The following GORASP2 variants were observed in gnomAD, a reference collection of about 807,000 sequenced individuals.
The protein encoded by GORASP2 is golgi reassembly stacking protein 2.
In GORASP2, 22 loss-of-function variants were observed where a neutral mutation model predicts 45.7. That is an observed-to-expected ratio of 0.48 (90% CI 0.34 to 0.69). The LOEUF is 0.69. Ranked by LOEUF, GORASP2 falls within the 30% of genes least tolerant of loss-of-function variation. The probability of loss-of-function intolerance (pLI) is 0.01; values close to 1 mark genes in which losing one functional copy is unlikely to be tolerated. For missense variants in GORASP2, 491 were observed against 562.7 expected (o/e 0.87, Z 1.29); for synonymous variants, 221 against 215.6 (o/e 1.02, Z -0.22).
At position 170,929,394 on chromosome 2, in the gene GORASP2, C is replaced by A. The variant is rs1388215603; in HGVS notation, c.54C>A (p.His18Gln). 1 of 1,418,846 alleles carries A rather than the reference C, an allele frequency of 7.0e-7. No homozygotes were observed. The highest frequency in any genetic ancestry group is 1.6e-5 in the South Asian group (1 of 63,424). The allele number at this position is 1,418,846 out of a possible 1,614,324, so 87.9% of individuals were successfully genotyped here. Residue 18 changes from histidine (H) to glutamine (Q), a missense_variant, in exon 1 of 10, where the codon CAC becomes CAA. Physicochemically the swap from His to Gln is conservative, Grantham distance 24. Transcript: ENST00000234160. ...EIPGGGTEGY[H>Q]VLRVQENSPG... ...CGGGCGGGGGCACCGAGGGCTACCA[C>A]GTTCTGCGGGTAAGGGCTCCGACGG...
Position 170,929,349 on chromosome 2 carries a change from C to T in GORASP2, c.9C>T (p.Ser3=). 2 of 1,389,792 alleles carry T rather than the reference C, an allele frequency of 1.4e-6. No individual in the cohort carries two copies. The highest frequency in any genetic ancestry group is 9.3e-7 in the Non-Finnish European group (1 of 1,071,446). 86.1% of individuals were successfully genotyped at this position (1,389,792 alleles called of 1,614,324 possible). A position where few individuals can be genotyped will look rare whatever the true frequency, so the allele number is the denominator to read the frequency against. Residue 3 remains serine, a synonymous_variant, in exon 1 of 10, where the codon TCC becomes TCT. Transcript: ENST00000234160. ...ACCGATCGCCCGCCGCCATGGGCTC[C>T]TCGCAAAGCGTCGAGATCCCGGGCG... The part of the protein sequence containing the change: MG[S]SQSVEIPGGG...
chr2:170,963,425 C>CGCT (rs1443357509), intron 9 of GORASP2, among the ~76,000 whole-genome samples: 4 of 146,590 alleles, frequency 2.7e-5, no homozygotes, highest in African/African-American at 1.1e-4. Flanking sequence ...TCTCAGTCCC[C>CGCT]GCTGCTACTG....
chr2:170,936,683 A>G, intron 1 of GORASP2: 1 of 1,282,406 alleles, frequency 7.8e-7, no homozygotes, highest in Non-Finnish European at 1.0e-6. Flanking sequence ...GCCGGGCATA[A>G]TGGTGTGCAC....
At chr2:170,951,294 A>G (rs1704293002) in intron 4 of GORASP2, 34 bp from the exon 5 acceptor site, 1 of 1,558,962 alleles carries the variant, frequency 6.4e-7, no homozygotes, top group Admixed American at 2.0e-5. Context: ...AAGTATGGTA[A>G]CGTGAAACAT....
At position 170,966,093 on chromosome 2, in the gene GORASP2, C is replaced by T. The variant is rs371303130; in HGVS notation, c.1322C>T (p.Ser441Phe). ...ACCCCAGTCAGCGAGAAGCCTGTTT[C>T]TGCGGCTGTGGATGCCAATGCTTCT... ...DSTPVSEKPV[S>F]AAVDANASES... Residue 441 changes from serine to phenylalanine, a missense_variant, in exon 10 of 10, where the codon TCT (serine) becomes TTT (phenylalanine). Ser to Phe is a radical substitution (Grantham distance 155, BLOSUM62 -2). Around this residue, in one of 2 missense-constraint regions of GORASP2, gnomAD observed 297 missense variants for 292.3 expected, o/e 1.02. Transcript: ENST00000234160. The T allele has an allele frequency of 1.9e-6, 3 of 1,613,936 alleles. No individual in the cohort carries two copies. The highest frequency in any genetic ancestry group is 2.5e-6 in the Non-Finnish European group (3 of 1,179,914).
At position 170,965,872 on chromosome 2, in the gene GORASP2, A is replaced by T. The variant is rs1330777091; in HGVS notation, c.1101A>T (p.Ser367=). 2 of 1,613,674 alleles carry T rather than the reference A, an allele frequency of 1.2e-6. No homozygotes were observed. Among genetic ancestry groups the T allele is most frequent in the African/African-American group, 1.3e-5 (1 of 74,790 alleles). ...CCCTGCCATCCGAGTTCCTCCCGTCATTCCCCTTGGTTCCAGAGAGCTCTT... is the reference window on the plus strand; with the variant it reads ...CCCTGCCATCCGAGTTCCTCCCGTCTTTCCCCTTGGTTCCAGAGAGCTCTT... ...PLPLPSEFLP[S]FPLVPESSSA... is the part of the protein sequence containing the mutation. Residue 367 remains serine, a synonymous_variant, in exon 10 of 10, where the codon TCA becomes TCT. Transcript: ENST00000234160.
intron 1 of GORASP2, among the ~76,000 whole-genome samples, chr2:170,947,843 C>T (rs1400374648): frequency 2.6e-5 from 4 of 152,030 alleles, no homozygotes; most frequent in East Asian, 1.9e-4. Flanking sequence ...GAACTAGGCC[C>T]GGTGCAGTGG....
intron 1 of GORASP2, among the ~76,000 whole-genome samples, chr2:170,938,217 G>A (rs960134774): frequency 6.6e-6 from 1 of 152,238 alleles, no homozygotes; most frequent in Non-Finnish European, 1.5e-5. Flanking sequence ...AATGTTAGCT[G>A]ATGCCTTTAT....
intron 1 of GORASP2, chr2:170,936,642 C>T (rs1703963716): frequency 1.5e-6 from 2 of 1,300,272 alleles, no homozygotes; most frequent in Non-Finnish European, 2.0e-6. Context: ...AGAGAAGGCT[C>T]AAGCACATTG....
chr2:170,962,846 G>T lies in GORASP2; in HGVS notation c.918G>T (p.Met306Ile). 1.2e-6 allele frequency: 2 copies of T among 1,610,304 alleles called. No homozygotes were observed. Among genetic ancestry groups the T allele is most frequent in the Non-Finnish European group, 1.7e-6 (2 of 1,176,632 alleles). Reference protein sequence around the residue: ...MNPATTLPGLMPLPAGLPNLP... With the variant: ...MNPATTLPGLIPLPAGLPNLP... ...TTTCTGCCTTCTCTTCAGGTCTGAT[G>T]CCTTTACCAGCAGGACTGCCCAACC... The change falls in exon 9 of 10, where the codon ATG becomes ATT. Residue 306 changes from methionine to isoleucine, a missense_variant. This residue lies in a region of GORASP2 where 297 missense variants were observed against 292.3 expected (regional missense o/e 1.02). Coordinates refer to ENST00000234160, the MANE Select transcript of GORASP2 (RefSeq NM_015530.5).
intron 1 of GORASP2, among the ~76,000 whole-genome samples, chr2:170,947,126 A>G (rs1228344026): frequency 6.6e-6 from 1 of 152,110 alleles, no homozygotes; most frequent in African/African-American, 2.4e-5. Flanking sequence ...AAAGCCACCA[A>G]TATTTACACC....
chr2:170,948,250 T>C, intron 1 of GORASP2, 100 bp from the exon 2 acceptor site: 1 of 726,488 alleles, frequency 1.4e-6, no homozygotes, highest in Middle Eastern at 2.4e-4. Context: ...TGTATTTCAT[T>C]ATCAGTGAAA....
chr2:170,941,392 G>A (rs769555463), intron 1 of GORASP2, among the ~76,000 whole-genome samples: 11 of 152,162 alleles, frequency 7.2e-5, no homozygotes, highest in Non-Finnish European at 1.5e-4. Flanking sequence ...TGTAACCTCA[G>A]TATACTTGTT....
chr2:170,965,486 GGCT>G (rs1704662658), intron 9 of GORASP2, among the ~76,000 whole-genome samples: 1 of 152,114 alleles, frequency 6.6e-6, no homozygotes, highest in African/African-American at 2.4e-5. Flanking sequence ...CTGCTGGGTG[GGCT>G]GCTATCTCTT....
intron 1 of GORASP2, among the ~76,000 whole-genome samples, chr2:170,944,648 G>A (rs1429366564): frequency 1.3e-5 from 2 of 151,854 alleles, no homozygotes; most frequent in Non-Finnish European, 2.9e-5. Context: ...ACTTTATAAG[G>A]GTGGCCTAGT....
chr2:170,939,567 G>T (rs1343377869), intron 1 of GORASP2, among the ~76,000 whole-genome samples: 1 of 152,142 alleles, frequency 6.6e-6, no homozygotes, highest in African/African-American at 2.4e-5. Context: ...GTGGTAGATT[G>T]TTCTGTTTTA....
chr2:170,957,450 G>T (rs564882760), intron 7 of GORASP2, among the ~76,000 whole-genome samples: 1 of 152,056 alleles, frequency 6.6e-6, no homozygotes, highest in African/African-American at 2.4e-5. Context: ...GCCAATTTTT[G>T]TATTTTTAGT....
chr2:170,954,556 A>G (rs1411876178), intron 5 of GORASP2, 94 bp from the exon 6 acceptor site: 3 of 950,962 alleles, frequency 3.2e-6, no homozygotes, highest in South Asian at 1.7e-5. Flanking sequence ...ACTTGAATCT[A>G]TGCTCTTGGG....
At chr2:170,929,725 C>G (rs750695641) in intron 1 of GORASP2, 1 of 574,422 alleles carries the variant, frequency 1.7e-6, no homozygotes, top group African/African-American at 1.9e-5. Flanking sequence ...TCTCCTCCAC[C>G]CCCCCTCATT....
Sources: gnomAD v4.1 joint callset for allele counts (sites outside exome capture counted in the v4.1 genomes callset) on GRCh38, gnomAD v4.1.1 for gene constraint, gnomAD v4.1.1 regional missense constraint, MANE v1.5 for transcripts, NCBI Gene and HGNC (gene_info 2026-07-23, HGNC 2026-07-21) for gene names.